The following RASSF6 variants were observed in gnomAD, a reference collection of about 807,000 sequenced individuals.
RASSF6 encodes the protein Ras association domain family member 6, also known as ras association domain-containing protein 6.
In RASSF6, 52 loss-of-function variants were observed where a neutral mutation model predicts 44.0. The observed-to-expected ratio is 1.18, with a 90% CI of 0.95 to 1.49. The LOEUF (loss-of-function observed/expected upper bound fraction) is 1.49, where lower values mean the gene tolerates loss of function less well. Among genes scored for constraint, RASSF6 ranks in the 40% most tolerant of loss-of-function variants. RASSF6 has a pLI of 0.00. For missense variants in RASSF6, 464 were observed against 393.3 expected (o/e 1.18, Z -1.52); for synonymous variants, 162 against 124.6 (o/e 1.30, Z -2.00).
In RASSF6 at chr4:73,598,738, A is replaced by G; in HGVS notation, c.66-20T>C. 9.5e-7 allele frequency: 1 copy of G among 1,056,648 alleles called. No homozygotes were observed. Among genetic ancestry groups the G allele is most frequent in the Non-Finnish European group, 1.4e-6 (1 of 721,178 alleles). 65.5% of individuals were successfully genotyped at this position (1,056,648 alleles called of 1,614,324 possible). On this transcript the variant is annotated intron_variant, in intron 2 of 10. Coordinates refer to ENST00000307439, the MANE Select transcript of RASSF6 (RefSeq NM_177532.5). ...TGTTCCCTAAAAATAAAAAAAAATTAATTACAATCAGTCTTAGAGTTTTTA... is the reference window on the plus strand; with the variant it reads ...TGTTCCCTAAAAATAAAAAAAAATTGATTACAATCAGTCTTAGAGTTTTTA...
chr4:73,612,619 G>T (rs1325320008), intron 1 of RASSF6, among the ~76,000 whole-genome samples: 1 of 151,412 alleles, frequency 6.6e-6, no homozygotes, highest in Non-Finnish European at 1.5e-5. Flanking sequence ...CAGAGTACCA[G>T]GAAAAAAAGA....
chr4:73,605,404 C>T (rs1361043596), intron 2 of RASSF6, among the ~76,000 whole-genome samples: 4 of 152,142 alleles, frequency 2.6e-5, no homozygotes, highest in African/African-American at 7.2e-5. Flanking sequence ...ATTCTCCAAA[C>T]CCATTTTATC....
intron 1 of RASSF6, chr4:73,615,921 G>A: frequency 1.3e-6 from 2 of 1,550,296 alleles, no homozygotes; most frequent in Non-Finnish European, 1.7e-6. Context: ...TGAGGCCAGA[G>A]GACAGGAAGT....
At chr4:73,588,625 C>T (rs528224710) in intron 4 of RASSF6, among the ~76,000 whole-genome samples, 8 of 151,940 alleles carry the variant, frequency 5.3e-5, no homozygotes, top group African/African-American at 1.9e-4. Flanking sequence ...GTGCCTGTGT[C>T]CTCATCTGTA....
At chr4:73,587,014 A>T (rs1724146834) in intron 5 of RASSF6, among the ~76,000 whole-genome samples, 1 of 152,054 alleles carries the variant, frequency 6.6e-6, no homozygotes, top group South Asian at 2.1e-4. Flanking sequence ...CGTAAATCAC[A>T]GCCCCATTTC....
intron 1 of RASSF6, among the ~76,000 whole-genome samples, chr4:73,618,775 T>C (rs1270393190): frequency 1.3e-5 from 2 of 152,312 alleles, no homozygotes; most frequent in East Asian, 3.9e-4. Flanking sequence ...CCAATGATAT[T>C]AAGTTAGAGT....
At chr4:73,602,153 T>A (rs946563004) in intron 2 of RASSF6, among the ~76,000 whole-genome samples, 1 of 152,252 alleles carries the variant, frequency 6.6e-6, no homozygotes, top group Non-Finnish European at 1.5e-5. Flanking sequence ...TGGGGAATGC[T>A]GAGCAATGAA....
chr4:73,616,257 CT>C (rs1726355470), intron 1 of RASSF6, among the ~76,000 whole-genome samples: 1 of 151,728 alleles, frequency 6.6e-6, no homozygotes, highest in Non-Finnish European at 1.5e-5. Context: ...ATCTATCTAT[CT>C]ATCTATCTAT....
chr4:73,594,854 G>C (rs1560450804), intron 3 of RASSF6, among the ~76,000 whole-genome samples: 2 of 152,058 alleles, frequency 1.3e-5, no homozygotes, highest in East Asian at 3.8e-4. Flanking sequence ...AAAACTTATA[G>C]AATCTCTGAA....
chr4:73,616,124 A>C (rs564074004), intron 1 of RASSF6, among the ~76,000 whole-genome samples: 24 of 152,200 alleles, frequency 1.6e-4, no homozygotes, highest in Non-Finnish European at 3.4e-4. Context: ...TATAGCCTGT[A>C]TCTATATCTA....
In RASSF6 at chr4:73,581,833, A is replaced by G. The variant is rs140951927; in HGVS notation, c.705T>C (p.Ile235=). 3.5e-5 allele frequency: 57 copies of G among 1,609,886 alleles called. No individual in the cohort carries two copies. The African/African-American group carries it at 6.4e-4, about 18-fold the overall frequency. The change falls in exon 8 of 11, where the codon ATT becomes ATC. Residue 235 remains isoleucine, a synonymous_variant. Coordinates refer to ENST00000307439, the MANE Select transcript of RASSF6 (RefSeq NM_177532.5). The part of the protein sequence containing the change: ...ENSPQDFALH[I]IFATGEQRRL... ...CTTTCTTACCTCCTGTTGCAAAAAT[A>G]ATGTGAAGAGCAAAATCCTGGGGAC...
chr4:73,591,326 T>A (rs975265332), intron 4 of RASSF6, among the ~76,000 whole-genome samples: 3 of 152,146 alleles, frequency 2.0e-5, no homozygotes, highest in Non-Finnish European at 2.9e-5. Context: ...TACAAAATAA[T>A]GATGGTTTAA....
At chr4:73,577,455 T>G (rs1255081098) in intron 8 of RASSF6, among the ~76,000 whole-genome samples, 2 of 152,200 alleles carry the variant, frequency 1.3e-5, no homozygotes. Flanking sequence ...TGTCCTTATA[T>G]TCATCTTATT....
intron 4 of RASSF6, among the ~76,000 whole-genome samples, chr4:73,590,976 A>G (rs1307379803): frequency 6.6e-6 from 1 of 152,236 alleles, no homozygotes; most frequent in Non-Finnish European, 1.5e-5. Flanking sequence ...CTGTGGCAGT[A>G]TATGGAGAGG....
intron 1 of RASSF6, among the ~76,000 whole-genome samples, chr4:73,616,221 A>ATATCTATCTATCTATC (rs4019340): frequency 4.7e-5 from 7 of 148,918 alleles, no homozygotes; most frequent in Admixed American, 1.3e-4. Context: ...ACATATATCT[A>ATATCTATCTATCTATC]TATCTATCTA....
rs771996701 is a variant in RASSF6 at position 73,611,831 on chromosome 4, T to C, written c.-34-2A>G. ...TTTTTGAGATGGTCTGAGGATATCC[T>C]AAACATGAGAATAATATTAATGATT... On this transcript the variant is annotated splice_acceptor_variant, in intron 1 of 10. Transcript: ENST00000307439. LOFTEE classifies it low-confidence loss of function (5UTR_SPLICE). 6.4e-7 allele frequency: 1 copy of C among 1,564,096 alleles called. No individual in the cohort carries two copies. The highest frequency in any genetic ancestry group is 8.8e-7 in the Non-Finnish European group (1 of 1,135,698).
intron 3 of RASSF6, among the ~76,000 whole-genome samples, chr4:73,598,235 C>T (rs955605275): frequency 6.6e-6 from 1 of 152,110 alleles, no homozygotes; most frequent in African/African-American, 2.4e-5. Flanking sequence ...CATTTTAAAA[C>T]CCAAATCAAA....
chr4:73,612,351 GTAAA>G (rs1379944763), intron 1 of RASSF6, among the ~76,000 whole-genome samples: 1 of 152,102 alleles, frequency 6.6e-6, no homozygotes, highest in Non-Finnish European at 1.5e-5. Flanking sequence ...GACCAGAGAT[GTAAA>G]GTATAATATT....
At chr4:73,597,599 G>A (rs1449760413) in intron 3 of RASSF6, among the ~76,000 whole-genome samples, 1 of 152,104 alleles carries the variant, frequency 6.6e-6, no homozygotes, top group African/African-American at 2.4e-5. Context: ...AACACCATTT[G>A]ACCCAGCAAT....
Sources: allele counts gnomAD v4.1 joint callset (sites outside exome capture counted in the v4.1 genomes callset), GRCh38; gene constraint gnomAD v4.1.1; transcripts MANE v1.5; gene names NCBI Gene and HGNC (gene_info 2026-07-23, HGNC 2026-07-21).